FGD3: variants seen among roughly 807,000 people sequenced by gnomAD.
FGD3 encodes FYVE, RhoGEF and PH domain-containing protein 3.
FGD3 carries 45 observed loss-of-function variants against 71.8 expected under a neutral mutation model. The observed-to-expected ratio is 0.63, with a 90% CI of 0.49 to 0.80. The LOEUF is 0.80. Ranked by LOEUF, FGD3 falls within the 30% of genes least tolerant of loss-of-function variation. The pLI is 0.00. For missense variants in FGD3, 844 were observed against 951.5 expected (o/e 0.89, Z 1.49); for synonymous variants, 378 against 392.8 (o/e 0.96, Z 0.44).
At chr9:93,022,182 A>T in intron 13 of FGD3, 145 bp from the exon 14 acceptor site, 1 of 746,590 alleles carries the variant, frequency 1.3e-6, no homozygotes, top group Non-Finnish European at 2.1e-6. Context: ...CCAGAGGCAC[A>T]GCAAATCCTA....
chr9:93,022,304 C>T (rs1204891542), intron 13 of FGD3, 23 bp from the exon 14 acceptor site: 2 of 1,605,952 alleles, frequency 1.2e-6, no homozygotes, highest in Non-Finnish European at 1.7e-6. Flanking sequence ...TCTCCTCTCA[C>T]TCGGCCTCTG....
intron 1 of FGD3, among the ~76,000 whole-genome samples, chr9:92,960,622 C>T (rs766586291): frequency 9.9e-5 from 15 of 152,210 alleles, no homozygotes; most frequent in African/African-American, 2.9e-4. Flanking sequence ...AGCTGGGTGC[C>T]GTAACAGTCC....
At chr9:93,010,595 G>C (rs1046840175) in intron 7 of FGD3, among the ~76,000 whole-genome samples, 3 of 150,424 alleles carry the variant, frequency 2.0e-5, no homozygotes, top group African/African-American at 7.4e-5. Context: ...GAAAGAGAGG[G>C]AGAGGGAGGG....
chr9:92,962,905 A>C (rs568688940), intron 1 of FGD3, among the ~76,000 whole-genome samples: 4 of 147,468 alleles, frequency 2.7e-5, no homozygotes, highest in Admixed American at 7.0e-5. Flanking sequence ...GCGCCACTGC[A>C]CTCCAGCCTG....
intron 11 of FGD3, 43 bp downstream of exon 11, chr9:93,018,258 T>A: frequency 6.5e-7 from 1 of 1,526,750 alleles, no homozygotes; most frequent in Non-Finnish European, 9.0e-7. Flanking sequence ...TGACCTCATG[T>A]CTTCTTTTTC....
At chr9:93,008,614 C>G (rs1861164912) in intron 6 of FGD3, among the ~76,000 whole-genome samples, 1 of 152,226 alleles carries the variant, frequency 6.6e-6, no homozygotes, top group Admixed American at 6.5e-5. Context: ...GGGATATTCA[C>G]TTGATAAAGG....
intron 3 of FGD3, among the ~76,000 whole-genome samples, chr9:92,998,228 A>G (rs1860724069): frequency 6.6e-6 from 1 of 152,050 alleles, no homozygotes; most frequent in Non-Finnish European, 1.5e-5. Flanking sequence ...TTGATCTTCA[A>G]TCACTGATAC....
Position 93,015,839 on chromosome 9 carries a change from C to T in FGD3, c.1275+10C>T, listed in dbSNP as rs747913122. Reference sequence around the variant, plus strand: ...CATCTCAGGCCTCCAGGTGGGTGAGCTCCTCCATCTCAAACCTGTCCCCCT... The same window carrying T: ...CATCTCAGGCCTCCAGGTGGGTGAGTTCCTCCATCTCAAACCTGTCCCCCT... On this transcript the variant is annotated intron_variant, in intron 10 of 17. Transcript: ENST00000375482. The T allele has an allele frequency of 3.1e-6, 5 of 1,612,868 alleles. No individual in the cohort carries two copies. In the East Asian group the frequency reaches 8.9e-5, roughly 29 times the overall value.
At chr9:92,993,095 G>A (rs1360462616) in intron 3 of FGD3, among the ~76,000 whole-genome samples, 1 of 152,064 alleles carries the variant, frequency 6.6e-6, no homozygotes, top group Non-Finnish European at 1.5e-5. Context: ...GATGAGGGGA[G>A]GAATGCCAGG....
In FGD3 at chr9:93,015,959, C is replaced by T. The variant is rs1240293859; in HGVS notation, c.1275+130C>T. Reference sequence around the variant, plus strand: ...GGCACCCCTACCTGCTTTTCCAAGCCATAGACCCTATCTGTGACCAAGGCA... The same window carrying T: ...GGCACCCCTACCTGCTTTTCCAAGCTATAGACCCTATCTGTGACCAAGGCA... On this transcript the variant is annotated intron_variant, in intron 10 of 17. Coordinates refer to ENST00000375482, the MANE Select transcript of FGD3 (RefSeq NM_001083536.2). 7.8e-6 allele frequency: 6 copies of T among 766,054 alleles called. No individual in the cohort carries two copies. In the Admixed American group the frequency reaches 1.0e-4, roughly 13 times the overall value. The allele number at this position is 766,054 out of a possible 1,614,324, so 47.5% of individuals were successfully genotyped here.
Position 92,976,218 on chromosome 9 carries a change from G to C in FGD3, c.-39G>C. On this transcript the variant is annotated 5_prime_UTR_variant, in exon 3 of 18. Transcript: ENST00000375482. ...GTTTCTCCCCTACAGGAAGCCCCTGGCCAGCCTCCACCTGAGCCCAGTGAG... is the reference window on the plus strand; with the variant it reads ...GTTTCTCCCCTACAGGAAGCCCCTGCCCAGCCTCCACCTGAGCCCAGTGAG... The C allele has an allele frequency of 6.8e-7, 1 of 1,478,612 alleles. No individual in the cohort carries two copies. Among genetic ancestry groups the C allele is most frequent in the Non-Finnish European group, 9.0e-7 (1 of 1,108,174 alleles). 91.6% of individuals were successfully genotyped at this position (1,478,612 alleles called of 1,614,324 possible).
chr9:93,022,755 G>A (rs570758298), intron 14 of FGD3, among the ~76,000 whole-genome samples: 4 of 152,206 alleles, frequency 2.6e-5, no homozygotes, highest in South Asian at 2.1e-4. Flanking sequence ...TGTGTGAATC[G>A]TCCCATAAAG....
chr9:93,031,021 AATGGTTGG>A (rs1862336711), intron 15 of FGD3, among the ~76,000 whole-genome samples: 1 of 151,306 alleles, frequency 6.6e-6, no homozygotes, highest in Non-Finnish European at 1.5e-5. Context: ...TGGATAGATG[AATGGTTGG>A]ATGGATGGAT....
At chr9:92,994,476 A>T (rs1271932688) in intron 3 of FGD3, among the ~76,000 whole-genome samples, 7 of 151,886 alleles carry the variant, frequency 4.6e-5, no homozygotes, top group Non-Finnish European at 8.8e-5. Context: ...GTTTAATTAG[A>T]TCCCATTTGT....
At chr9:93,033,420 CCTG>C (rs1270179711) in intron 16 of FGD3, 1 of 182,672 alleles carries the variant, frequency 5.5e-6, no homozygotes, top group African/African-American at 2.4e-5. Context: ...CCCTCCTCCT[CCTG>C]CTCCTTCTCC....
Position 93,003,588 on chromosome 9 carries a change from T to C in FGD3, c.544-413T>C, listed in dbSNP as rs1860940014. Among the ~76,000 whole-genome samples the C allele has an allele frequency of 6.6e-6, 1 of 152,178 alleles. No individual in the cohort carries two copies. The highest frequency in any genetic ancestry group is 2.1e-4 in the South Asian group (1 of 4,826). Reference sequence around the variant, plus strand: ...TACTTGGGACAGGGTTTGCCACTCATCTCTATCCACATGACAACGTGGGGT... The same window carrying C: ...TACTTGGGACAGGGTTTGCCACTCACCTCTATCCACATGACAACGTGGGGT... On this transcript the variant is annotated intron_variant, in intron 4 of 17. Coordinates refer to ENST00000375482, the MANE Select transcript of FGD3 (RefSeq NM_001083536.2). This position sits in a 1 kb window ranked among gnomAD's most constrained non-coding sequence, Gnocchi z 4.1.
chr9:92,950,635 A>G (rs1309393995), intron 1 of FGD3, among the ~76,000 whole-genome samples: 1 of 152,164 alleles, frequency 6.6e-6, no homozygotes, highest in Non-Finnish European at 1.5e-5. Flanking sequence ...TGGTGGGGAA[A>G]GAAGGGGGCA....
chr9:93,018,565 G>A (rs927041541), intron 11 of FGD3, among the ~76,000 whole-genome samples: 3 of 152,148 alleles, frequency 2.0e-5, no homozygotes, highest in Non-Finnish European at 4.4e-5. Flanking sequence ...ATGAATAAAG[G>A]GTCTGGGCAT....
chr9:92,986,949 G>A (rs895938157), intron 3 of FGD3, among the ~76,000 whole-genome samples: 3 of 152,242 alleles, frequency 2.0e-5, no homozygotes, highest in African/African-American at 7.2e-5. Flanking sequence ...AATTCAGCAA[G>A]AGCCATGAGT....
Sources: gnomAD v4.1 joint callset for allele counts (sites outside exome capture counted in the v4.1 genomes callset) on GRCh38, gnomAD v4.1.1 for gene constraint, Gnocchi (gnomAD v3.1) non-coding constraint, MANE v1.5 for transcripts, NCBI Gene and HGNC (gene_info 2026-07-23, HGNC 2026-07-21) for gene names.